The following SCN3A variants were observed in gnomAD, a reference collection of about 807,000 sequenced individuals.
SCN3A encodes the protein sodium voltage-gated channel alpha subunit 3.
Under a neutral mutation model 187.6 loss-of-function variants are expected in SCN3A, and 60 were observed. The ratio of observed to expected loss-of-function variants is 0.32; its 90% CI spans 0.26 to 0.40. The LOEUF (loss-of-function observed/expected upper bound fraction) is 0.40, where lower values mean the gene tolerates loss of function less well. SCN3A is among the 10% of genes least tolerant of loss of function. The probability of loss-of-function intolerance (pLI) is 1.00; values close to 1 mark genes in which losing one functional copy is unlikely to be tolerated. For missense variants in SCN3A, 1,601 were observed against 2,428.2 expected (o/e 0.66, Z 7.16); for synonymous variants, 788 against 829.2 (o/e 0.95, Z 0.85).
At chr2:165,097,204 T>G in intron 23 of SCN3A, 48 bp downstream of exon 23, 1 of 1,609,322 alleles carries the variant, frequency 6.2e-7, no homozygotes, top group Non-Finnish European at 8.5e-7. Context: ...ATAATCTTCC[T>G]TGAAACATCT....
At chr2:165,134,242 G>A (rs1020380426) in intron 15 of SCN3A, among the ~76,000 whole-genome samples, 1 of 152,136 alleles carries the variant, frequency 6.6e-6, no homozygotes. Context: ...AACTCAAAAC[G>A]ATAGGCTGAG....
intron 11 of SCN3A, among the ~76,000 whole-genome samples, chr2:165,150,874 C>A (rs1445959936): frequency 6.6e-6 from 1 of 151,994 alleles, no homozygotes; most frequent in Non-Finnish European, 1.5e-5. Flanking sequence ...AACATTATTT[C>A]CTATAACACT....
At chr2:165,183,747 G>T (rs1691039749) in intron 2 of SCN3A, among the ~76,000 whole-genome samples, 1 of 152,086 alleles carries the variant, frequency 6.6e-6, no homozygotes, top group Non-Finnish European at 1.5e-5. Context: ...TTTTATGATT[G>T]TGTTGCAGTC....
At chr2:165,120,326 G>A (rs963709793) in intron 18 of SCN3A, among the ~76,000 whole-genome samples, 1 of 151,808 alleles carries the variant, frequency 6.6e-6, no homozygotes, top group Non-Finnish European at 1.5e-5. Flanking sequence ...AAAAGGCCAC[G>A]AGACCATTCC....
In SCN3A at chr2:165,141,005, A is replaced by C; in HGVS notation, c.1672-7T>G. On this transcript the variant is annotated splice_polypyrimidine_tract_variant and splice_region_variant and intron_variant, in intron 12 of 27. Coordinates refer to ENST00000283254, the MANE Select transcript of SCN3A (RefSeq NM_006922.4). ...CACGGATACTCAAGAGAGACTGCAG[A>C]GAAAGCAAAAAGGAAAGGAATGGGA... 6.2e-7 allele frequency: 1 copy of C among 1,607,482 alleles called. No individual in the cohort carries two copies. The highest frequency in any genetic ancestry group is 8.5e-7 in the Non-Finnish European group (1 of 1,174,206).
intron 12 of SCN3A, among the ~76,000 whole-genome samples, chr2:165,144,243 T>C (rs1688192646): frequency 6.6e-6 from 1 of 152,250 alleles, no homozygotes; most frequent in Non-Finnish European, 1.5e-5. Flanking sequence ...GGTACATTTC[T>C]GCTTGTTAGT....
chr2:165,137,059 G>T (rs1687710006), intron 15 of SCN3A, among the ~76,000 whole-genome samples: 1 of 152,076 alleles, frequency 6.6e-6, no homozygotes, highest in Non-Finnish European at 1.5e-5. Context: ...TCAGTGTAGA[G>T]GTTGTAGGAT....
intron 15 of SCN3A, among the ~76,000 whole-genome samples, chr2:165,133,639 C>T (rs1452803991): frequency 6.6e-6 from 1 of 151,882 alleles, no homozygotes; most frequent in Non-Finnish European, 1.5e-5. Context: ...CCAACACACC[C>T]AGCCATGTCT....
At chr2:165,155,503 G>C (rs922581626) in intron 10 of SCN3A, among the ~76,000 whole-genome samples, 6 of 151,970 alleles carry the variant, frequency 3.9e-5, no homozygotes, top group African/African-American at 9.7e-5. Flanking sequence ...GGGCTTGGGT[G>C]ATCCTCCCAC....
chr2:165,113,507 A>G (rs753100910), intron 20 of SCN3A, among the ~76,000 whole-genome samples: 199 of 152,176 alleles, frequency 1.3e-3, no homozygotes, highest in Admixed American at 1.4e-3. Context: ...TGTTAATACA[A>G]TTATTAGGGA....
chr2:165,191,341 A>G (rs536695366), intron 1 of SCN3A, among the ~76,000 whole-genome samples: 1 of 152,108 alleles, frequency 6.6e-6, no homozygotes, highest in South Asian at 2.1e-4. Flanking sequence ...TAGAAATCGA[A>G]TCATATCATT....
At chr2:165,185,010 C>T (rs746072950) in intron 2 of SCN3A, among the ~76,000 whole-genome samples, 1 of 150,982 alleles carries the variant, frequency 6.6e-6, no homozygotes, top group Non-Finnish European at 1.5e-5. Context: ...AACTATTTAA[C>T]GAGATGATCT....
intron 10 of SCN3A, 62 bp downstream of exon 10, chr2:165,155,700 A>C (rs1360823729): frequency 6.3e-7 from 1 of 1,597,404 alleles, no homozygotes; most frequent in South Asian, 1.1e-5. Flanking sequence ...CACCCAGCCT[A>C]TGCTTTTCAT....
chr2:165,118,447 CTT>C (rs1686480790), intron 18 of SCN3A, among the ~76,000 whole-genome samples: 1 of 152,180 alleles, frequency 6.6e-6, no homozygotes, highest in Non-Finnish European at 1.5e-5. Flanking sequence ...TCCCAGGACT[CTT>C]ATGAACCAAA....
In SCN3A at chr2:165,146,906, G is replaced by A. The variant is rs755690137; in HGVS notation, c.1504C>T (p.Arg502Ter). Residue 502 changes from arginine (R) to a stop codon, truncating the protein, a stop_gained, in exon 12 of 28, where the codon CGA becomes TGA. Coordinates refer to ENST00000283254, the MANE Select transcript of SCN3A (RefSeq NM_006922.4). LOFTEE classifies it high-confidence loss of function. Reference protein sequence around the residue: ...SSKSAKEWRNRRKKRRQREHL... With the variant: ...SSKSAKEWRN ...TCTCTCTGTCTTCTTTTCTTCCTTC[G>A]GTTCCTCCATTCTTTAGCACTTTTG... is the stretch of plus-strand genomic sequence containing the variant. 6.2e-7 allele frequency: 1 copy of A among 1,613,756 alleles called. No individual in the cohort carries two copies. The highest frequency in any genetic ancestry group is 8.5e-7 in the Non-Finnish European group (1 of 1,179,904).
chr2:165,178,481 C>T (rs1303030119), intron 2 of SCN3A, among the ~76,000 whole-genome samples: 1 of 152,174 alleles, frequency 6.6e-6, no homozygotes, highest in African/African-American at 2.4e-5. Flanking sequence ...CCGCCCGCCT[C>T]GGCCTCCCAA....
At chr2:165,164,011 C>T (rs1365056404) in intron 6 of SCN3A, 13 of 913,754 alleles carry the variant, frequency 1.4e-5, no homozygotes, top group Non-Finnish European at 2.2e-5. Context: ...TGCTATAGAC[C>T]TCAGGCTGCC....
intron 10 of SCN3A, among the ~76,000 whole-genome samples, chr2:165,155,144 A>G (rs918346315): frequency 7.2e-5 from 11 of 152,188 alleles, no homozygotes; most frequent in African/African-American, 2.7e-4. Flanking sequence ...CTGTTTATAT[A>G]CCAACAACTG....
At chr2:165,109,887 A>G (rs571280166) in intron 21 of SCN3A, among the ~76,000 whole-genome samples, 1 of 151,940 alleles carries the variant, frequency 6.6e-6, no homozygotes, top group Non-Finnish European at 1.5e-5. Flanking sequence ...GGTTTCTACC[A>G]CTCTCACTCA....
Sources: allele counts gnomAD v4.1 joint callset (sites outside exome capture counted in the v4.1 genomes callset), GRCh38; gene constraint gnomAD v4.1.1; transcripts MANE v1.5; gene names NCBI Gene and HGNC (gene_info 2026-07-23, HGNC 2026-07-21).